TCF25: variants seen among roughly 807,000 people sequenced by gnomAD.
TCF25 encodes TCF25 ribosome quality control complex subunit.
In TCF25, 41 loss-of-function variants were observed where a neutral mutation model predicts 83.1. The observed-to-expected ratio is 0.49, with a 90% CI of 0.38 to 0.64. TCF25 has a LOEUF of 0.64. Among genes scored for constraint, TCF25 ranks in the 30% least tolerant of loss-of-function variants. The probability of loss-of-function intolerance (pLI) is 0.00; values close to 1 mark genes in which losing one functional copy is unlikely to be tolerated. For synonymous variants in TCF25, 458 were observed against 365.0 expected, an observed-to-expected ratio of 1.25 and a Z score of -2.90; for missense variants, 979 against 914.5, an observed-to-expected ratio of 1.07 and a Z score of -0.91.
intron 16 of TCF25, chr16:89,910,307 G>A (rs1378879931): frequency 9.6e-6 from 5 of 521,252 alleles, no homozygotes; most frequent in Admixed American, 3.4e-5. Flanking sequence ...TGCAGTGGCC[G>A]AGGATGGCTG....
rs113082958 is a variant in TCF25, at chr16:89,905,001, A to G, written c.1533A>G (p.Lys511=). 5 of 1,606,478 alleles carry G rather than the reference A, an allele frequency of 3.1e-6. No homozygotes were observed. Among genetic ancestry groups the G allele is most frequent in the South Asian group, 1.1e-5 (1 of 89,686 alleles). The part of the protein sequence containing the change: ...LYLGRSHFLW[K]EPATMSWLEE... ...TTGGGAGGTCACACTTTCTCTGGAA[A>G]GAGCCCGCCACCATGAGCTGGCTGG... Residue 511 remains lysine, a synonymous_variant, in exon 14 of 18, where the codon AAA becomes AAG. Transcript: ENST00000263346.
At chr16:89,878,279 CAAA>C (rs34906385) in intron 1 of TCF25, among the ~76,000 whole-genome samples, 1 of 113,622 alleles carries the variant, frequency 8.8e-6, no homozygotes, top group Non-Finnish European at 2.0e-5. Flanking sequence ...GACCCTGTCT[CAAA>C]AAAAAAAAAA....
In TCF25 at chr16:89,905,214, C is replaced by T. The variant is rs980132271; in HGVS notation, c.1628+118C>T. ...GCTGTGAGCAGCTTGGCCTCCCTTG[C>T]TGTGGGGCCTGTGTGGAGCCTACAA... On this transcript the variant is annotated intron_variant, in intron 14 of 17. Coordinates refer to ENST00000263346, the MANE Select transcript of TCF25 (RefSeq NM_014972.3). 1.0e-5 allele frequency: 14 copies of T among 1,339,696 alleles called. No homozygotes were observed. The African/African-American group carries it at 1.9e-4, about 18-fold the overall frequency. 83.0% of individuals were successfully genotyped at this position (1,339,696 alleles called of 1,614,324 possible). A position where few individuals can be genotyped will look rare whatever the true frequency, so the allele number is the denominator to read the frequency against.
chr16:89,885,799 TTAAAA>T, intron 3 of TCF25, 44 bp from the exon 4 acceptor site: 1 of 1,429,408 alleles, frequency 7.0e-7, no homozygotes, highest in Non-Finnish European at 9.9e-7. Flanking sequence ...GTTACAATAT[TTAAAA>T]TAATGTCAGT....
intron 6 of TCF25, among the ~76,000 whole-genome samples, 160 bp downstream of exon 6, chr16:89,892,435 G>A (rs957759294): frequency 5.3e-5 from 8 of 152,130 alleles, no homozygotes; most frequent in Non-Finnish European, 7.4e-5. Flanking sequence ...GGCACCAGGG[G>A]CGTCAGTGCC....
intron 14 of TCF25, among the ~76,000 whole-genome samples, chr16:89,905,442 GA>G (rs1422249988): frequency 6.6e-6 from 1 of 152,214 alleles, no homozygotes; most frequent in East Asian, 1.9e-4. Flanking sequence ...GCAGAGACGA[GA>G]AAGAGTCTCC....
intron 1 of TCF25, 104 bp from the exon 2 acceptor site, chr16:89,883,246 TG>T: frequency 3.4e-6 from 5 of 1,492,422 alleles, no homozygotes; most frequent in South Asian, 2.6e-5. Flanking sequence ...GCACTGACCC[TG>T]GGGGTCCCCA....
chr16:89,910,637 T>A lies in TCF25; in HGVS notation c.1846T>A (p.Ser616Thr). 6.2e-7 allele frequency: 1 copy of A among 1,613,666 alleles called. No homozygotes were observed. Among genetic ancestry groups the A allele is most frequent in the Non-Finnish European group, 8.5e-7 (1 of 1,179,966 alleles). Residue 616 changes from serine to threonine, a missense_variant, in exon 17 of 18, where the codon TCA becomes ACA. Physicochemically the swap from Ser to Thr is moderately conservative, Grantham distance 58. Transcript: ENST00000263346. The part of the protein sequence containing the change: ...HGNTIALFFR[S>T]LLPNYTMEGE... ...AAACACCATTGCTCTCTTCTTCCGG[T>A]CACTGTTGCCAAACTATACCATGGA...
intron 2 of TCF25, 191 bp downstream of exon 2, chr16:89,883,703 C>A: frequency 3.1e-6 from 2 of 644,414 alleles, no homozygotes; most frequent in Non-Finnish European, 5.2e-6. Context: ...AGGTCGCAGG[C>A]CTTTCTCCTG....
intron 9 of TCF25, 22 bp from the exon 10 acceptor site, chr16:89,898,535 T>C: frequency 1.9e-6 from 3 of 1,581,572 alleles, no homozygotes; most frequent in South Asian, 1.1e-5. Flanking sequence ...TTGTAATTCA[T>C]GTGGAACTAT....
At chr16:89,906,734 C>T (rs762715257) in intron 15 of TCF25, among the ~76,000 whole-genome samples, 23 of 152,118 alleles carry the variant, frequency 1.5e-4, no homozygotes, top group African/African-American at 4.1e-4. Context: ...GACCGTGGAC[C>T]GTCCACTGGG....
In TCF25 at chr16:89,900,631, G is replaced by T. The variant is rs199648155; in HGVS notation, c.1222-4G>T. The stretch of plus-strand genomic sequence containing the variant: ...TCCACGCTCTGTTTCTTCGTCCCTC[G>T]TAGGCTCATCGGAACCTGTCCCAGC... On this transcript the variant is annotated splice_region_variant and splice_polypyrimidine_tract_variant and intron_variant, in intron 11 of 17. Transcript: ENST00000263346. 6.3e-7 allele frequency: 1 copy of T among 1,584,774 alleles called. No homozygotes were observed. Among genetic ancestry groups the T allele is most frequent in the South Asian group, 1.1e-5 (1 of 90,138 alleles).
chr16:89,890,673 C>T (rs1392826405), intron 5 of TCF25: 1 of 152,072 alleles, frequency 6.6e-6, no homozygotes, highest in East Asian at 1.9e-4. Context: ...GGTTCCACCT[C>T]GTCCCACCCT....
At position 89,900,767 on chromosome 16, in the gene TCF25, C is replaced by A. The variant is rs754815405; in HGVS notation, c.1354C>A (p.Gln452Lys). 6.4e-5 allele frequency: 102 copies of A among 1,589,494 alleles called. 1 individual carries two copies. The Middle Eastern group carries it at 6.7e-4, about 10-fold the overall frequency. The change falls in exon 12 of 18, where the codon CAG becomes AAG. Residue 452 changes from glutamine to lysine, a missense_variant. Coordinates refer to ENST00000263346, the MANE Select transcript of TCF25 (RefSeq NM_014972.3). ...CAGGCAGAAGGCCTCTCTCCTGATA[C>A]AGCAGGCGCTCACCATGTTCCCTGG... The part of the protein sequence containing the change: ...SARQKASLLI[Q>K]QALTMFPGVL...
chr16:89,888,504 G>A (rs147256664), intron 5 of TCF25, among the ~76,000 whole-genome samples: 10 of 150,338 alleles, frequency 6.7e-5, no homozygotes, highest in African/African-American at 2.4e-4. Context: ...CAGGAGAATC[G>A]CTTGAAACCG....
At chr16:89,905,247 C>T in intron 14 of TCF25, 151 bp downstream of exon 14, 1 of 1,179,940 alleles carries the variant, frequency 8.5e-7, no homozygotes, top group South Asian at 1.6e-5. Flanking sequence ...CAAGACAGCG[C>T]ACAGCCCCTG....
intron 5 of TCF25, 104 bp from the exon 6 acceptor site, chr16:89,892,088 GC>G: frequency 9.1e-7 from 1 of 1,095,392 alleles, no homozygotes. Context: ...TGCCTTCTCT[GC>G]CCCTCAGTTT....
intron 16 of TCF25, among the ~76,000 whole-genome samples, chr16:89,908,599 C>G (rs2045229457): frequency 1.7e-5 from 1 of 59,418 alleles, no homozygotes; most frequent in Non-Finnish European, 4.1e-5. Context: ...CAGCTCCCGC[C>G]TCCCTCCTCC....
In TCF25 at chr16:89,873,807, G is replaced by T. The variant is rs542920247; in HGVS notation, c.140G>T (p.Arg47Leu). The T allele has an allele frequency of 6.3e-7, 1 of 1,598,564 alleles. No individual in the cohort carries two copies. The highest frequency in any genetic ancestry group is 1.4e-5 in the African/African-American group (1 of 73,972). Residue 47 changes from arginine (R) to leucine (L), a missense_variant, in exon 1 of 18, where the codon CGT becomes CTT. Arg to Leu is a moderately radical substitution (Grantham distance 102, BLOSUM62 -2). Transcript: ENST00000263346. ...EGPKRELGVR[R>L]PGGAGKEGVR... ...CCCAAGCGGGAGCTTGGTGTCCGGC[G>T]TCCCGGGGGCGCAGGGAAGGAGGGC...
Sources: gnomAD v4.1 joint callset for allele counts (sites outside exome capture counted in the v4.1 genomes callset) on GRCh38, gnomAD v4.1.1 for gene constraint, MANE v1.5 for transcripts, NCBI Gene and HGNC (gene_info 2026-07-23, HGNC 2026-07-21) for gene names.